Variants in TWF1 observed in about 807,000 individuals in gnomAD.
TWF1 encodes the protein twinfilin-1.
Under a neutral mutation model 47.9 loss-of-function variants are expected in TWF1, and 14 were observed. That is an observed-to-expected ratio of 0.29 (90% CI 0.19 to 0.46). The LOEUF is 0.46. Ranked by LOEUF, TWF1 falls within the 20% of genes least tolerant of loss-of-function variation. The pLI is 1.00. For missense variants in TWF1, 281 were observed against 409.3 expected, an observed-to-expected ratio of 0.69 and a Z score of 2.70; for synonymous variants, 96 against 139.2, an observed-to-expected ratio of 0.69 and a Z score of 2.18.
chr12:43,798,637 T>C (rs1042283593), intron 5 of TWF1: 31 of 1,105,906 alleles, frequency 2.8e-5, no homozygotes, highest in Admixed American at 1.6e-4. Flanking sequence ...AAAAAAAAAA[T>C]CACATAAAAA....
At chr12:43,799,364 A>T in intron 5 of TWF1, 34 bp downstream of exon 5, 1 of 1,392,140 alleles carries the variant, frequency 7.2e-7, no homozygotes, top group South Asian at 1.3e-5. Context: ...TCAAACACTT[A>T]AAATCTTGCA....
chr12:43,797,832 A>T lies in TWF1; in HGVS notation c.485T>A (p.Val162Glu). Residue 162 changes from valine (V) to glutamate (E), a missense_variant and splice_region_variant, in exon 6 of 9, where the codon GTA (valine) becomes GAA (glutamate). Physicochemically the swap from Val to Glu is moderately radical, Grantham distance 121. Transcript: ENST00000395510. ...AGTGTCCACACCCACGTCAGTCTGT[A>T]CCTAAGTATGACAGATTTAATTTAC... ...EELRQIKINE[V>E]QTDVGVDTKH... The T allele has an allele frequency of 6.2e-7, 1 of 1,611,464 alleles. No homozygotes were observed. Among genetic ancestry groups the T allele is most frequent in the Non-Finnish European group, 8.5e-7 (1 of 1,178,850 alleles).
Position 43,797,417 on chromosome 12 carries a change from G to A in TWF1, c.645C>T (p.Ala215=), listed in dbSNP as rs1437897481. The A allele has an allele frequency of 1.3e-6, 2 of 1,596,576 alleles. No homozygotes were observed. Among genetic ancestry groups the A allele is most frequent in the Non-Finnish European group, 1.7e-6 (2 of 1,171,954 alleles). ...IDIKNEIIIL[A]NTTNTELKDL... ...CTTTCAGTTCTGTATTTGTTGTGTT[G>A]GCCAAAATTATAATTTCATTTTTTA... Residue 215 remains alanine (A), a synonymous_variant, in exon 7 of 9, where the codon GCC becomes GCT. Transcript: ENST00000395510.
At chr12:43,797,513 A>C in intron 6 of TWF1, 61 bp from the exon 7 acceptor site, 1 of 1,424,636 alleles carries the variant, frequency 7.0e-7, no homozygotes, top group South Asian at 1.4e-5. Context: ...AAGTTAAAAC[A>C]TATAATAAAA....
chr12:43,805,667 A>T, intron 1 of TWF1: 1 of 677,130 alleles, frequency 1.5e-6, no homozygotes, highest in Non-Finnish European at 2.3e-6. Flanking sequence ...ACACGCTTAC[A>T]CTCGAGATTT....
At chr12:43,797,555 G>T in intron 6 of TWF1, 103 bp from the exon 7 acceptor site, 1 of 1,365,026 alleles carries the variant, frequency 7.3e-7, no homozygotes, top group Admixed American at 2.5e-5. Flanking sequence ...ACTTAGTTCT[G>T]GATGGTTTGA....
chr12:43,797,228 A>G (rs61933174), intron 7 of TWF1, 74 bp downstream of exon 7: 38 of 1,492,892 alleles, frequency 2.5e-5, no homozygotes, highest in Admixed American at 2.0e-4. Flanking sequence ...TGGGCAAGAA[A>G]TAAGTAAGAA....
chr12:43,800,381 T>C (rs1373876535), intron 4 of TWF1, 54 bp downstream of exon 4: 1 of 1,335,992 alleles, frequency 7.5e-7, no homozygotes, highest in African/African-American at 1.5e-5. Context: ...ACCTAGGAGT[T>C]CCTCTTTAAT....
intron 1 of TWF1, chr12:43,805,582 G>T (rs1942745996): frequency 8.6e-6 from 4 of 466,602 alleles, no homozygotes; most frequent in South Asian, 6.2e-5. Context: ...ACTGCATATT[G>T]AACTGTCTGC....
chr12:43,804,615 A>G (rs1186327953), intron 1 of TWF1, 43 bp from the exon 2 acceptor site: 2 of 1,350,100 alleles, frequency 1.5e-6, no homozygotes, highest in Admixed American at 4.2e-5. Context: ...ATACTTACAT[A>G]TAAATACTTT....
rs2138138150 is a variant in TWF1 at position 43,799,505 on chromosome 12, G to T, written c.379-3C>A. On this transcript the variant is annotated splice_region_variant and splice_polypyrimidine_tract_variant and intron_variant, in intron 4 of 8. Transcript: ENST00000395510. Reference sequence around the variant, plus strand: ...TATCCATGTAATGATACATCTTCCTGTAAGTACAGAATAGACTATAATCAG... The same window carrying T: ...TATCCATGTAATGATACATCTTCCTTTAAGTACAGAATAGACTATAATCAG... 8 of 1,560,102 alleles carry T rather than the reference G, an allele frequency of 5.1e-6. No individual in the cohort carries two copies. The highest frequency in any genetic ancestry group is 7.0e-6 in the Non-Finnish European group (8 of 1,135,000).
chr12:43,805,520 G>T (rs770835689), intron 1 of TWF1: 3 of 456,336 alleles, frequency 6.6e-6, no homozygotes, highest in South Asian at 4.6e-5. Context: ...GATGAGGTGA[G>T]TACCTGCAGG....
intron 2 of TWF1, among the ~76,000 whole-genome samples, chr12:43,803,731 C>T (rs908903780): frequency 6.6e-6 from 1 of 151,966 alleles, no homozygotes; most frequent in Non-Finnish European, 1.5e-5. Flanking sequence ...TAAACAAATG[C>T]ATATTTTACA....
chr12:43,799,832 T>A (rs954349115), intron 4 of TWF1, among the ~76,000 whole-genome samples: 3 of 152,104 alleles, frequency 2.0e-5, no homozygotes, highest in African/African-American at 4.8e-5. Context: ...AACTGCCCAA[T>A]GATTATCCAA....
rs773643762 is a variant in TWF1 at position 43,795,581 on chromosome 12, G to A, written c.*4C>T. On this transcript the variant is annotated 3_prime_UTR_variant, in exon 9 of 9. Coordinates refer to ENST00000395510, the MANE Select transcript of TWF1 (RefSeq NM_002822.5). ...CTAGTATTACAATGTTTAATGTGAT[G>A]ACTTTAATCAGTAGTAGCTTCAGTT... is the stretch of plus-strand genomic sequence containing the variant. 8.7e-6 allele frequency: 14 copies of A among 1,610,634 alleles called. No homozygotes were observed. In the East Asian group the frequency reaches 2.5e-4, roughly 28 times the overall value.
chr12:43,798,298 A>T (rs918326345), intron 5 of TWF1, among the ~76,000 whole-genome samples: 1 of 152,178 alleles, frequency 6.6e-6, no homozygotes, highest in Non-Finnish European at 1.5e-5. Context: ...TCAACAAGTT[A>T]TACTACTGCA....
chr12:43,800,847 T>G (rs1435656759), intron 3 of TWF1, among the ~76,000 whole-genome samples: 1 of 152,128 alleles, frequency 6.6e-6, no homozygotes, highest in Non-Finnish European at 1.5e-5. Flanking sequence ...GCCTCCCAGG[T>G]TCAAGTGGTT....
Position 43,799,490 on chromosome 12 carries a change from A to T in TWF1, c.391T>A (p.Leu131Ile), listed in dbSNP as rs144749553. Reference protein sequence around the residue: ...VFGTVKEDVSLHGYKKYLLSQ... With the variant: ...VFGTVKEDVSIHGYKKYLLSQ... ...AGCAAGTATTTTTTATATCCATGTAATGATACATCTTCCTGTAAGTACAGA... is the reference window on the plus strand; with the variant it reads ...AGCAAGTATTTTTTATATCCATGTATTGATACATCTTCCTGTAAGTACAGA... The change falls in exon 5 of 9, where the codon TTA (leucine) becomes ATA (isoleucine). Residue 131 changes from leucine to isoleucine, a missense_variant. Leu to Ile is a conservative substitution (Grantham distance 5). Coordinates refer to ENST00000395510, the MANE Select transcript of TWF1 (RefSeq NM_002822.5). 6.7e-5 allele frequency: 107 copies of T among 1,595,482 alleles called. No individual in the cohort carries two copies. The highest frequency in any genetic ancestry group is 1.7e-4 in the Middle Eastern group (1 of 5,924).
chr12:43,804,693 T>A (rs1942725294), intron 1 of TWF1, 121 bp from the exon 2 acceptor site: 1 of 591,908 alleles, frequency 1.7e-6, no homozygotes, highest in Non-Finnish European at 3.0e-6. Flanking sequence ...ATCCTTATTA[T>A]CAGTATTATA....
Sources: gnomAD v4.1 joint callset for allele counts (sites outside exome capture counted in the v4.1 genomes callset) on GRCh38, gnomAD v4.1.1 for gene constraint, MANE v1.5 for transcripts, NCBI Gene and HGNC (gene_info 2026-07-23, HGNC 2026-07-21) for gene names.